Variants in PCM1 observed in about 807,000 individuals in gnomAD.
PCM1 encodes pericentriolar material 1, also known as pericentriolar material 1 protein.
A neutral mutation model predicts 241.9 loss-of-function variants in PCM1; 157 were observed. The observed-to-expected ratio is 0.65, with a 90% CI of 0.57 to 0.74. The LOEUF (loss-of-function observed/expected upper bound fraction) is 0.74, where lower values mean the gene tolerates loss of function less well. PCM1 is among the 30% of genes least tolerant of loss of function. The probability of loss-of-function intolerance (pLI) is 0.00; values close to 1 mark genes in which losing one functional copy is unlikely to be tolerated. For missense variants in PCM1, 3,478 were observed against 2,360.1 expected (o/e 1.47, Z -9.81); for synonymous variants, 1,085 against 784.9 (o/e 1.38, Z -6.39).
At chr8:17,984,047 A>T (rs1006292500) in intron 24 of PCM1, among the ~76,000 whole-genome samples, 2 of 152,158 alleles carry the variant, frequency 1.3e-5, no homozygotes. Context: ...ATTTCAGTTC[A>T]GGAGGAGAAA....
chr8:17,971,089 A>T (rs1029582295), intron 22 of PCM1, among the ~76,000 whole-genome samples: 3 of 152,332 alleles, frequency 2.0e-5, no homozygotes, highest in East Asian at 3.9e-4. Context: ...TTCTGCAATA[A>T]CACTTTATTT....
At chr8:17,939,555 T>C (rs1359954419) in intron 5 of PCM1, 136 bp from the exon 6 acceptor site, 5 of 462,016 alleles carry the variant, frequency 1.1e-5, no homozygotes, top group Non-Finnish European at 1.9e-5. Flanking sequence ...CATGTGTTAA[T>C]TCACACAATA....
chr8:17,995,447 C>T (rs2086339986), intron 29 of PCM1, among the ~76,000 whole-genome samples: 1 of 151,378 alleles, frequency 6.6e-6, no homozygotes, highest in Non-Finnish European at 1.5e-5. Context: ...TATGCCAGTA[C>T]CACGCTGTTT....
chr8:18,011,446 C>G lies in PCM1; in HGVS notation c.5350+80C>G, dbSNP rs1027759262. 4.7e-6 allele frequency: 6 copies of G among 1,271,312 alleles called. No individual in the cohort carries two copies. Among genetic ancestry groups the G allele is most frequent in the Non-Finnish European group, 6.3e-6 (6 of 948,452 alleles). 78.8% of individuals were successfully genotyped at this position (1,271,312 alleles called of 1,614,324 possible). Reference sequence around the variant, plus strand: ...ATTGGAACAGTTTGGTGGAGTGTAACAAGTATAAAATTAAGTGTCAAAGAA... The same window carrying G: ...ATTGGAACAGTTTGGTGGAGTGTAAGAAGTATAAAATTAAGTGTCAAAGAA... On this transcript the variant is annotated intron_variant, in intron 33 of 38. Coordinates refer to ENST00000325083, the MANE Select transcript of PCM1 (RefSeq NM_006197.4).
At chr8:17,936,512 A>G (rs1473459721) in intron 3 of PCM1, among the ~76,000 whole-genome samples, 1 of 152,170 alleles carries the variant, frequency 6.6e-6, no homozygotes, top group African/African-American at 2.4e-5. Flanking sequence ...ACTTTTTGTA[A>G]TTCCATATTA....
Position 18,028,039 on chromosome 8 carries a change from C to T in PCM1, c.*377C>T, listed in dbSNP as rs2094349429. 1 of 226,522 alleles carries T rather than the reference C, an allele frequency of 4.4e-6. No homozygotes were observed. Among genetic ancestry groups the T allele is most frequent in the South Asian group, 1.8e-4 (1 of 5,510 alleles). The allele number at this position is 226,522 out of a possible 1,614,324, so 14.0% of individuals were successfully genotyped here. The stretch of plus-strand genomic sequence containing the variant: ...CAATGTTTTATATAACTTTAGGCTG[C>T]TCAGAGAAGAGCAATGGTTAAGAGT... On this transcript the variant is annotated 3_prime_UTR_variant, in exon 39 of 39. Transcript: ENST00000325083.
chr8:17,952,624 A>G (rs1311071355), intron 8 of PCM1, among the ~76,000 whole-genome samples: 1 of 152,208 alleles, frequency 6.6e-6, no homozygotes, highest in African/African-American at 2.4e-5. Flanking sequence ...ATTAGGTATT[A>G]TAAGTAGTCT....
At chr8:17,983,768 G>C (rs1006261395) in intron 24 of PCM1, among the ~76,000 whole-genome samples, 1 of 152,092 alleles carries the variant, frequency 6.6e-6, no homozygotes, top group Non-Finnish European at 1.5e-5. Flanking sequence ...TCTAATATAA[G>C]TATTCTCATT....
At chr8:18,016,601 G>T (rs1419718095) in intron 36 of PCM1, among the ~76,000 whole-genome samples, 2 of 152,192 alleles carry the variant, frequency 1.3e-5, no homozygotes, top group African/African-American at 4.8e-5. Flanking sequence ...CTTGCTAAAA[G>T]ATTCCTTGCT....
chr8:18,027,525 T>A, intron 38 of PCM1, 112 bp from the exon 39 acceptor site: 4 of 661,506 alleles, frequency 6.0e-6, no homozygotes, highest in Non-Finnish European at 9.9e-6. Flanking sequence ...TAATTTAGGA[T>A]TTCTTTTATA....
intron 35 of PCM1, 59 bp downstream of exon 35, chr8:18,014,095 T>TAAAAAAAAAAA (rs71545505): frequency 3.7e-6 from 2 of 545,604 alleles, no homozygotes; most frequent in African/African-American, 4.3e-5. Context: ...GCTTTAAAGC[T>TAAAAAAAAAAA]AAAAAAAAAA....
chr8:17,961,554 G>T (rs941850185), intron 15 of PCM1, among the ~76,000 whole-genome samples: 3 of 151,980 alleles, frequency 2.0e-5, no homozygotes, highest in Non-Finnish European at 4.4e-5. Context: ...GTCGTGATCC[G>T]CCCGCCTCGG....
intron 36 of PCM1, among the ~76,000 whole-genome samples, chr8:18,019,307 C>G (rs117863842): frequency 3.3e-5 from 5 of 152,228 alleles, no homozygotes; most frequent in African/African-American, 4.8e-5. Context: ...AATGGCAAAA[C>G]TTTAGTTCTG....
At position 17,957,467 on chromosome 8, in the gene PCM1, C is replaced by G. The variant is rs754708780; in HGVS notation, c.1804+46C>G. The stretch of plus-strand genomic sequence containing the variant: ...ATATAATTTTGCTGTGTTATTCTTA[C>G]AAAGTGGGTTTTCGTTCATGTGTGC... On this transcript the variant is annotated intron_variant, in intron 12 of 38. Transcript: ENST00000325083. 30 of 1,606,208 alleles carry G rather than the reference C, an allele frequency of 1.9e-5. 1 individual carries two copies. In the South Asian group the frequency reaches 2.2e-4, roughly 12 times the overall value.
chr8:18,011,129 C>A lies in PCM1; in HGVS notation c.5221-108C>A, dbSNP rs143030808. ...TAAAACTAGACTATCAAAAATGGTTCTTTGTATTTTTTATTAGATAATGAT... is the reference window on the plus strand; with the variant it reads ...TAAAACTAGACTATCAAAAATGGTTATTTGTATTTTTTATTAGATAATGAT... On this transcript the variant is annotated intron_variant, in intron 32 of 38. Transcript: ENST00000325083. The A allele has an allele frequency of 9.1e-5, 63 of 695,986 alleles. No individual in the cohort carries two copies. In the East Asian group the frequency reaches 1.9e-3, roughly 21 times the overall value. The allele number at this position is 695,986 out of a possible 1,614,324, so 43.1% of individuals were successfully genotyped here. A position where few individuals can be genotyped will look rare whatever the true frequency, so the allele number is the denominator to read the frequency against.
chr8:17,938,694 T>A (rs566916538), intron 4 of PCM1, 46 bp from the exon 5 acceptor site: 1 of 1,486,362 alleles, frequency 6.7e-7, no homozygotes, highest in Admixed American at 1.8e-5. Flanking sequence ...CAAAATTTTG[T>A]CATAAGGTTA....
intron 2 of PCM1, among the ~76,000 whole-genome samples, chr8:17,933,970 A>G (rs1339698792): frequency 1.3e-5 from 2 of 151,916 alleles, no homozygotes; most frequent in African/African-American, 4.8e-5. Context: ...TTAAAAAAAG[A>G]GTGAAATATA....
intron 17 of PCM1, 116 bp downstream of exon 17, chr8:17,963,407 G>C: frequency 1.5e-6 from 1 of 662,100 alleles, no homozygotes; most frequent in Non-Finnish European, 2.4e-6. Flanking sequence ...ATTTCAGTGA[G>C]GCTACTGTTT....
At chr8:17,983,077 G>A (rs564684802) in intron 24 of PCM1, among the ~76,000 whole-genome samples, 1 of 152,208 alleles carries the variant, frequency 6.6e-6, no homozygotes, top group South Asian at 2.1e-4. Context: ...TTTTTCTTGA[G>A]ATTATTTTTA....
Sources: allele counts gnomAD v4.1 joint callset (sites outside exome capture counted in the v4.1 genomes callset), GRCh38; gene constraint gnomAD v4.1.1; transcripts MANE v1.5; gene names NCBI Gene and HGNC (gene_info 2026-07-23, HGNC 2026-07-21).